DCDC1: variants seen among roughly 807,000 people sequenced by gnomAD.
The protein encoded by DCDC1 is doublecortin domain containing 1.
A neutral mutation model predicts 178.3 loss-of-function variants in DCDC1; 200 were observed. The observed-to-expected ratio is 1.12, with a 90% CI of 1.00 to 1.26. The LOEUF is 1.26. Among genes scored for constraint, DCDC1 ranks in the 50% most tolerant of loss-of-function variants. DCDC1 has a pLI of 0.00. For synonymous variants in DCDC1, 690 were observed against 604.8 expected (o/e 1.14, Z -2.07); for missense variants, 1,983 against 1,749.2 (o/e 1.13, Z -2.38).
intron 29 of DCDC1, 25 bp downstream of exon 29, chr11:30,908,921 T>C: frequency 6.4e-7 from 1 of 1,557,530 alleles, no homozygotes; most frequent in South Asian, 1.2e-5. Context: ...TTTTCTTTTA[T>C]CTTTGAGAGG....
chr11:30,906,476 G>T, intron 30 of DCDC1, 64 bp downstream of exon 30: 1 of 1,495,636 alleles, frequency 6.7e-7, no homozygotes, highest in Non-Finnish European at 9.0e-7. Context: ...GGCAGATAAT[G>T]AATGCATCAA....
intron 9 of DCDC1, among the ~76,000 whole-genome samples, chr11:31,228,010 A>T (rs1344254933): frequency 6.6e-6 from 1 of 152,106 alleles, no homozygotes; most frequent in Non-Finnish European, 1.5e-5. Flanking sequence ...TATATTTAGA[A>T]AACATTGTTA....
At chr11:31,170,096 T>A (rs1591295503) in intron 9 of DCDC1, among the ~76,000 whole-genome samples, 1 of 152,126 alleles carries the variant, frequency 6.6e-6, no homozygotes, top group Non-Finnish European at 1.5e-5. Flanking sequence ...AAATTTTAGA[T>A]GTATGCTTTA....
At chr11:31,125,895 C>A (rs1425548822) in intron 11 of DCDC1, among the ~76,000 whole-genome samples, 2 of 151,904 alleles carry the variant, frequency 1.3e-5, no homozygotes, top group Admixed American at 1.3e-4. Flanking sequence ...CAAACCTGCA[C>A]ATCCTTCACA....
intron 6 of DCDC1, among the ~76,000 whole-genome samples, chr11:31,298,103 C>T (rs140496125): frequency 6.6e-6 from 1 of 152,192 alleles, no homozygotes; most frequent in African/African-American, 2.4e-5. Context: ...CAAATCTCAA[C>T]GGCAGTAACA....
At chr11:31,105,834 A>C (rs2135760955) in intron 13 of DCDC1, among the ~76,000 whole-genome samples, 1 of 152,292 alleles carries the variant, frequency 6.6e-6, no homozygotes, top group East Asian at 1.9e-4. Context: ...TAGCAAATCC[A>C]ATAGCCCTTG....
At chr11:31,074,029 T>C (rs1253430203) in intron 18 of DCDC1, among the ~76,000 whole-genome samples, 1 of 152,042 alleles carries the variant, frequency 6.6e-6, no homozygotes, top group Non-Finnish European at 1.5e-5. Context: ...AGTAATCAAA[T>C]AGGGAAAGTT....
intron 20 of DCDC1, 110 bp from the exon 21 acceptor site, chr11:30,952,678 T>A: frequency 2.3e-6 from 1 of 433,730 alleles, no homozygotes; most frequent in Non-Finnish European, 4.0e-6. Flanking sequence ...AAACTCAGTT[T>A]GAATTAAAAA....
chr11:31,296,285 C>G (rs1451013055), intron 6 of DCDC1, among the ~76,000 whole-genome samples: 1 of 152,184 alleles, frequency 6.6e-6, no homozygotes, highest in Non-Finnish European at 1.5e-5. Flanking sequence ...TTGTCTTACC[C>G]TAGTTTGAAG....
chr11:31,167,248 T>C (rs535912354), intron 9 of DCDC1, among the ~76,000 whole-genome samples: 2 of 152,330 alleles, frequency 1.3e-5, no homozygotes, highest in Non-Finnish European at 2.9e-5. Context: ...TACATCAATA[T>C]GAGATTTCAA....
At chr11:31,168,120 C>A (rs1467455506) in intron 9 of DCDC1, among the ~76,000 whole-genome samples, 2 of 152,180 alleles carry the variant, frequency 1.3e-5, no homozygotes, top group African/African-American at 4.8e-5. Context: ...GCTTTGATGA[C>A]AACCATCAAC....
At chr11:31,216,765 T>C (rs1973623093) in intron 9 of DCDC1, among the ~76,000 whole-genome samples, 1 of 152,158 alleles carries the variant, frequency 6.6e-6, no homozygotes, top group Non-Finnish European at 1.5e-5. Flanking sequence ...AGATGGTCTG[T>C]GGCCTTCAAT....
At chr11:31,280,892 T>TTAGG (rs1946376921) in intron 7 of DCDC1, 6 of 640,418 alleles carry the variant, frequency 9.4e-6, no homozygotes, top group South Asian at 8.2e-5. Context: ...ACCATGGAGA[T>TTAGG]TAGGCCCAGT....
intron 21 of DCDC1, among the ~76,000 whole-genome samples, chr11:30,937,535 C>T (rs1342875865): frequency 6.6e-6 from 1 of 152,192 alleles, no homozygotes; most frequent in African/African-American, 2.4e-5. Flanking sequence ...TCCCTTCCTT[C>T]CCTGTGTCGA....
At chr11:31,274,524 C>G (rs1945829436) in intron 7 of DCDC1, among the ~76,000 whole-genome samples, 1 of 151,450 alleles carries the variant, frequency 6.6e-6, no homozygotes, top group Non-Finnish European at 1.5e-5. Flanking sequence ...GAGTGGGGAA[C>G]TATTTCAGAG....
chr11:30,929,929 T>C (rs1946828069), intron 22 of DCDC1, among the ~76,000 whole-genome samples: 1 of 152,068 alleles, frequency 6.6e-6, no homozygotes, highest in Non-Finnish European at 1.5e-5. Context: ...TTAGGCTTTG[T>C]AGATGAAAGA....
intron 11 of DCDC1, among the ~76,000 whole-genome samples, chr11:31,125,722 T>C (rs541319893): frequency 3.3e-5 from 5 of 152,094 alleles, no homozygotes; most frequent in Admixed American, 3.3e-4. Context: ...CAGAGATGAA[T>C]AATGAGAACA....
intron 1 of DCDC1, among the ~76,000 whole-genome samples, chr11:31,343,364 T>C (rs372121834): frequency 6.6e-5 from 10 of 152,224 alleles, no homozygotes; most frequent in African/African-American, 2.4e-4. Flanking sequence ...TGGAGTACAA[T>C]GGCACAATCT....
chr11:31,367,520 G>A (rs1026857824), intron 1 of DCDC1, among the ~76,000 whole-genome samples: 4 of 152,176 alleles, frequency 2.6e-5, no homozygotes, highest in Admixed American at 2.0e-4. Flanking sequence ...GAAAAGTAAG[G>A]ATCATATTGA....
Sources: allele counts gnomAD v4.1 joint callset (sites outside exome capture counted in the v4.1 genomes callset), GRCh38; gene constraint gnomAD v4.1.1; transcripts MANE v1.5; gene names NCBI Gene and HGNC (gene_info 2026-07-23, HGNC 2026-07-21).